Variants in CYRIB observed in about 807,000 individuals in gnomAD.
The protein encoded by CYRIB is CYFIP-related Rac1 interactor B.
Under a neutral mutation model 44.2 loss-of-function variants are expected in CYRIB, and 8 were observed. The observed-to-expected ratio is 0.18, with a 90% CI of 0.11 to 0.33. The LOEUF (loss-of-function observed/expected upper bound fraction) is 0.33. CYRIB is among the 10% of genes least tolerant of loss of function. The pLI is 1.00. For missense variants in CYRIB, 185 were observed against 382.8 expected (o/e 0.48, Z 4.31); for synonymous variants, 131 against 127.2 (o/e 1.03, Z -0.20).
rs1484349375 is a variant in CYRIB, at chr8:129,870,982, A to G, written c.195+393T>C. On this transcript the variant is annotated intron_variant, in intron 4 of 11. Transcript: ENST00000519824. Reference sequence around the variant, plus strand: ...AAAAATGAGATGAATGCAAACCTGAAAAAGTTCAGCAGTTTGGGAGAGGAA... The same window carrying G: ...AAAAATGAGATGAATGCAAACCTGAGAAAGTTCAGCAGTTTGGGAGAGGAA... 2.0e-5 allele frequency among the ~76,000 whole-genome samples: 3 copies of G among 152,306 alleles called. No homozygotes were observed. The East Asian group carries it at 5.8e-4, about 29-fold the overall frequency.
intron 1 of CYRIB, among the ~76,000 whole-genome samples, chr8:129,910,448 G>A (rs1461374395): frequency 6.8e-6 from 1 of 147,894 alleles, no homozygotes; most frequent in Admixed American, 6.7e-5. Context: ...CAACTTCACA[G>A]CATCCTTGAC....
At chr8:129,973,381 C>G (rs1242262280) in intron 1 of CYRIB, among the ~76,000 whole-genome samples, 1 of 152,214 alleles carries the variant, frequency 6.6e-6, no homozygotes, top group African/African-American at 2.4e-5. Flanking sequence ...CAGTTAAGCA[C>G]AGGAGGTGGA....
Position 129,922,737 on chromosome 8 carries a change from C to A in CYRIB, c.-50+16871G>T, listed in dbSNP as rs536128662. ...AATTAGCTGGGTATGGTGGCAGGTG[C>A]CTGTAGTCCCAGCTACTCGGGAGGC... On this transcript the variant is annotated intron_variant, in intron 1 of 11. Coordinates refer to ENST00000519824, the Ensembl canonical transcript of CYRIB. 3.6e-3 allele frequency among the ~76,000 whole-genome samples: 550 copies of A among 152,022 alleles called. 4 individuals carry two copies. The highest frequency in any genetic ancestry group is 0.013 in the African/African-American group (533 of 41,468).
rs888328793 is a variant in CYRIB at position 129,973,172 on chromosome 8, T to A, written c.-295-2177A>T. On this transcript the variant is annotated intron_variant, in intron 1 of 14. Coordinates refer to the CYRIB transcript ENST00000401979. Reference sequence around the variant, plus strand: ...GATGAACGCTCTGAAGGAAAGGGGATGAGGCAATCTCTGAAAAGGGTATTT... The same window carrying A: ...GATGAACGCTCTGAAGGAAAGGGGAAGAGGCAATCTCTGAAAAGGGTATTT... Among the ~76,000 whole-genome samples, 10 of 152,198 alleles carry A rather than the reference T, an allele frequency of 6.6e-5. 1 individual carries two copies. The highest frequency in any genetic ancestry group is 4.6e-4 in the Admixed American group (7 of 15,282).
chr8:129,955,110 G>C (rs1281634672), intron 2 of CYRIB, among the ~76,000 whole-genome samples: 1 of 152,026 alleles, frequency 6.6e-6, no homozygotes, highest in Non-Finnish European at 1.5e-5. Context: ...AAAATTAGCT[G>C]GGCGTGATGG....
chr8:129,976,239 T>C (rs937927464), intron 1 of CYRIB, among the ~76,000 whole-genome samples: 1 of 152,216 alleles, frequency 6.6e-6, no homozygotes, highest in African/African-American at 2.4e-5. Flanking sequence ...ATAATCCTGT[T>C]CAATTACAAG....
chr8:129,991,971 A>AAAAAGAGAGAG (rs994697259), intron 1 of CYRIB, among the ~76,000 whole-genome samples: 1 of 134,604 alleles, frequency 7.4e-6, no homozygotes, highest in Non-Finnish European at 1.6e-5. Context: ...AAAAAAAAAA[A>AAAAAGAGAGAG]ACAATAGGAA....
chr8:129,912,104 T>G (rs2078341965), intron 1 of CYRIB, among the ~76,000 whole-genome samples: 1 of 152,202 alleles, frequency 6.6e-6, no homozygotes, highest in Admixed American at 6.5e-5. Context: ...CTACCCCACA[T>G]GTTCAAACCC....
intron 2 of CYRIB, among the ~76,000 whole-genome samples, chr8:129,962,796 G>A (rs2095323192): frequency 6.6e-6 from 1 of 152,184 alleles, no homozygotes; most frequent in Non-Finnish European, 1.5e-5. Context: ...CATTCACTGA[G>A]TAAACACTGA....
At chr8:129,875,511 C>T (rs186571501) in intron 3 of CYRIB, among the ~76,000 whole-genome samples, 1 of 152,164 alleles carries the variant, frequency 6.6e-6, no homozygotes, top group East Asian at 1.9e-4. Flanking sequence ...GCACCTAGCT[C>T]GATTGAGTGC....
At chr8:129,987,458 C>G (rs1483013758) in intron 1 of CYRIB, among the ~76,000 whole-genome samples, 1 of 152,056 alleles carries the variant, frequency 6.6e-6, no homozygotes, top group Non-Finnish European at 1.5e-5. Flanking sequence ...AGTCCCCAAG[C>G]CCTCCATTCA....
upstream of CYRIB, among the ~76,000 whole-genome samples, chr8:129,942,383 C>T (rs1180762670): frequency 6.6e-6 from 1 of 152,118 alleles, no homozygotes; most frequent in Non-Finnish European, 1.5e-5. Flanking sequence ...GTGAGGAACA[C>T]GGAATACCCC....
chr8:129,886,022 T>G (rs758433131), intron 2 of CYRIB, among the ~76,000 whole-genome samples: 3 of 152,126 alleles, frequency 2.0e-5, no homozygotes, highest in Non-Finnish European at 2.9e-5. Context: ...AGGACAACCT[T>G]TCTTCTGGGG....
At chr8:129,895,220 C>T (rs2067431973) in intron 2 of CYRIB, among the ~76,000 whole-genome samples, 1 of 151,042 alleles carries the variant, frequency 6.6e-6, no homozygotes, top group African/African-American at 2.4e-5. Context: ...CCAGACTGGT[C>T]TCAAATTCAT....
At chr8:129,940,265 C>T (rs554666107), upstream of CYRIB, among the ~76,000 whole-genome samples, 52 of 152,334 alleles carry the variant, frequency 3.4e-4, no homozygotes, top group Non-Finnish European at 6.3e-4. Flanking sequence ...ACGCCTGGAA[C>T]CGCTAGGCTG....
At chr8:129,946,262 C>T (rs2094135396) in intron 2 of CYRIB, among the ~76,000 whole-genome samples, 1 of 152,186 alleles carries the variant, frequency 6.6e-6, no homozygotes, top group Admixed American at 6.5e-5. Context: ...CCAGCCTTCA[C>T]TCAAAGACAT....
At chr8:129,908,994 G>A (rs554014677) in intron 1 of CYRIB, among the ~76,000 whole-genome samples, 2 of 152,182 alleles carry the variant, frequency 1.3e-5, no homozygotes, top group East Asian at 3.9e-4. Flanking sequence ...GTCTTGCTAT[G>A]TTGACCAGGC....
chr8:129,863,753 G>C (rs554191142), intron 4 of CYRIB, among the ~76,000 whole-genome samples: 96 of 152,250 alleles, frequency 6.3e-4, no homozygotes, highest in African/African-American at 2.1e-3. Context: ...TTTCTGAATA[G>C]AGGGTTATTT....
chr8:129,965,348 T>C (rs2095432079), intron 2 of CYRIB, among the ~76,000 whole-genome samples: 1 of 152,034 alleles, frequency 6.6e-6, no homozygotes, highest in South Asian at 2.1e-4. Context: ...TAAACACTTA[T>C]ACCCTCTTCT....
Sources: gnomAD v4.1 joint callset for allele counts (sites outside exome capture counted in the v4.1 genomes callset) on GRCh38, gnomAD v4.1.1 for gene constraint, MANE v1.5 for transcripts, NCBI Gene and HGNC (gene_info 2026-07-23, HGNC 2026-07-21) for gene names.